RIN3: variants seen among roughly 807,000 people sequenced by gnomAD.
RIN3 encodes the protein RAB5 interacting protein 3.
In RIN3, 54 loss-of-function variants were observed where a neutral mutation model predicts 76.3. The observed-to-expected ratio is 0.71, with a 90% CI of 0.57 to 0.89. RIN3 has a LOEUF of 0.89. Ranked by LOEUF, RIN3 falls within the 40% of genes least tolerant of loss-of-function variation. The pLI is 0.00. For missense variants in RIN3, 1,256 were observed against 1,322.1 expected (o/e 0.95, Z 0.78); for synonymous variants, 576 against 564.0 (o/e 1.02, Z -0.30).
At chr14:92,628,660 T>C (rs1001192499) in intron 4 of RIN3, among the ~76,000 whole-genome samples, 2 of 152,216 alleles carry the variant, frequency 1.3e-5, no homozygotes, top group Non-Finnish European at 1.5e-5. Flanking sequence ...TGGGTGGGTT[T>C]CTTTTGCCCT....
chr14:92,559,097 C>T (rs1897687006), intron 2 of RIN3, among the ~76,000 whole-genome samples: 1 of 152,198 alleles, frequency 6.6e-6, no homozygotes, highest in East Asian at 1.9e-4. Context: ...AGACTCCTGA[C>T]CTCAGGTGAT....
At chr14:92,664,662 G>T (rs1053012947) in intron 7 of RIN3, among the ~76,000 whole-genome samples, 1 of 152,078 alleles carries the variant, frequency 6.6e-6, no homozygotes, top group South Asian at 2.1e-4. Flanking sequence ...GAGCCACTGA[G>T]CCCGGCCATT....
intron 2 of RIN3, 44 bp from the exon 3 acceptor site, chr14:92,577,316 C>A: frequency 1.4e-6 from 2 of 1,436,356 alleles, no homozygotes; most frequent in South Asian, 2.3e-5. Flanking sequence ...CACCTTCACC[C>A]AAATCTTTAA....
At chr14:92,615,722 T>G (rs1885933534) in intron 4 of RIN3, 1 of 515,116 alleles carries the variant, frequency 1.9e-6, no homozygotes, top group Non-Finnish European at 3.5e-6. Flanking sequence ...GGCCTGTCTC[T>G]CAGCTTCCTG....
intron 1 of RIN3, among the ~76,000 whole-genome samples, chr14:92,554,521 C>A (rs1897523774): frequency 6.6e-6 from 1 of 152,164 alleles, no homozygotes; most frequent in African/African-American, 2.4e-5. Context: ...CAGCACCATC[C>A]AATGGAAATC....
rs1887485730 is a variant in RIN3, at chr14:92,652,379, C to T, written c.1330C>T (p.His444Tyr). 1.2e-6 allele frequency: 2 copies of T among 1,610,224 alleles called. No homozygotes were observed. Among genetic ancestry groups the T allele is most frequent in the East Asian group, 2.2e-5 (1 of 44,806 alleles). Residue 444 changes from histidine to tyrosine, a missense_variant, in exon 6 of 10, where the codon CAC becomes TAC. Physicochemically the swap from His to Tyr is moderately conservative, Grantham distance 83. Coordinates refer to ENST00000216487, the MANE Select transcript of RIN3 (RefSeq NM_024832.5). The surrounding 1 kb of genome is among the most constrained non-coding windows in gnomAD (Gnocchi z 6.4). ...CACAGAGGTGAAAGCCAGCGATCCT[C>T]ACAGCATGCCAGAGCTGCCCAGGAC... Reference protein sequence around the residue: ...QDTEVKASDPHSMPELPRTAK... With the variant: ...QDTEVKASDPYSMPELPRTAK...
chr14:92,540,457 G>A (rs549004187), intron 1 of RIN3, among the ~76,000 whole-genome samples: 79 of 152,344 alleles, frequency 5.2e-4, no homozygotes, highest in African/African-American at 1.8e-3. Context: ...AACTGCCAGG[G>A]CCTTGTACAG....
Position 92,611,664 on chromosome 14 carries a change from A to G in RIN3, c.368-3743A>G, listed in dbSNP as rs149745806. On this transcript the variant is annotated intron_variant, in intron 3 of 9. Coordinates refer to ENST00000216487, the MANE Select transcript of RIN3 (RefSeq NM_024832.5). ...AAAGAATCTATTTCCAAATAAGGTCATATTCACGTGTGTTAGAGATTCACA... is the reference window on the plus strand; with the variant it reads ...AAAGAATCTATTTCCAAATAAGGTCGTATTCACGTGTGTTAGAGATTCACA... 1.8e-3 allele frequency among the ~76,000 whole-genome samples: 281 copies of G among 152,296 alleles called. 1 individual carries two copies. Among genetic ancestry groups the G allele is most frequent in the South Asian group, 4.6e-3 (22 of 4,828 alleles).
intron 1 of RIN3, among the ~76,000 whole-genome samples, chr14:92,545,706 T>C: frequency 6.6e-6 from 1 of 150,992 alleles, no homozygotes; most frequent in East Asian, 2.0e-4. Flanking sequence ...CTCAGCCTCC[T>C]GAGTAGCTGG....
chr14:92,682,058 T>C (rs1440830314), intron 8 of RIN3, among the ~76,000 whole-genome samples: 1 of 152,080 alleles, frequency 6.6e-6, no homozygotes. Context: ...AGCTAATGTT[T>C]GTATTTTTGG....
intron 1 of RIN3, among the ~76,000 whole-genome samples, chr14:92,552,865 G>GT (rs1897469059): frequency 2.0e-5 from 3 of 151,772 alleles, no homozygotes; most frequent in Admixed American, 1.3e-4. Flanking sequence ...GAAGGTTTTG[G>GT]GTTTTTTTTA....
intron 8 of RIN3, among the ~76,000 whole-genome samples, chr14:92,677,506 T>C (rs977302739): frequency 9.9e-5 from 15 of 152,212 alleles, no homozygotes; most frequent in African/African-American, 3.6e-4. Context: ...GGTGATAGTT[T>C]GATGAGATAG....
intron 5 of RIN3, among the ~76,000 whole-genome samples, chr14:92,647,955 C>A (rs1887262018): frequency 6.6e-6 from 1 of 152,166 alleles, no homozygotes; most frequent in Admixed American, 6.5e-5. Context: ...GCAGCAGAGC[C>A]AAGGCTCAGT....
At chr14:92,661,760 A>C (rs72699897) in intron 7 of RIN3, among the ~76,000 whole-genome samples, 11,983 of 127,782 alleles carry the variant, frequency 0.094, 569 homozygotes, top group Middle Eastern at 0.18. Flanking sequence ...CACACACACA[A>C]AAAATAGAAT....
chr14:92,544,285 C>T (rs536498591), intron 1 of RIN3, among the ~76,000 whole-genome samples: 19 of 148,518 alleles, frequency 1.3e-4, no homozygotes, highest in African/African-American at 4.7e-4. Context: ...CTGCAGGCCA[C>T]ACCGCACTCT....
chr14:92,610,208 AACTGTAC>A (rs1885680062), intron 3 of RIN3, among the ~76,000 whole-genome samples: 1 of 152,182 alleles, frequency 6.6e-6, no homozygotes. Context: ...AATGCCACTG[AACTGTAC>A]ACTTAAAAAT....
Position 92,623,522 on chromosome 14 carries a change from G to A in RIN3, c.440+8043G>A. On this transcript the variant is annotated intron_variant, in intron 4 of 9. Transcript: ENST00000216487. This position sits in a 1 kb window ranked among gnomAD's most constrained non-coding sequence, Gnocchi z 4.9. ...TGGGTCTCGGGCTTTGAATCTATCAGGTACCCCCTGTGGGACTCCAATTTC... is the reference window on the plus strand; with the variant it reads ...TGGGTCTCGGGCTTTGAATCTATCAAGTACCCCCTGTGGGACTCCAATTTC... Among the ~76,000 whole-genome samples the A allele has an allele frequency of 6.6e-6, 1 of 152,126 alleles. No individual in the cohort carries two copies. The highest frequency in any genetic ancestry group is 1.9e-4 in the East Asian group (1 of 5,198).
At chr14:92,578,030 A>G (rs1221871542) in intron 3 of RIN3, among the ~76,000 whole-genome samples, 1 of 152,208 alleles carries the variant, frequency 6.6e-6, no homozygotes, top group Non-Finnish European at 1.5e-5. Context: ...TCTTGAGCCC[A>G]GGATCTGGAG....
intron 8 of RIN3, 71 bp downstream of exon 8, chr14:92,676,677 G>A (rs529931532): frequency 5.2e-6 from 8 of 1,551,772 alleles, no homozygotes; most frequent in South Asian, 4.5e-5. Context: ...GGCACTCTAG[G>A]TGGCCCAACA....
Sources: allele counts gnomAD v4.1 joint callset (sites outside exome capture counted in the v4.1 genomes callset), GRCh38; gene constraint gnomAD v4.1.1; non-coding constraint Gnocchi (gnomAD v3.1); transcripts MANE v1.5; gene names NCBI Gene and HGNC (gene_info 2026-07-23, HGNC 2026-07-21).